The following VRK3 variants were observed in gnomAD, a reference collection of about 807,000 sequenced individuals.
VRK3 encodes the protein serine/threonine-protein kinase VRK3.
In VRK3, 50 loss-of-function variants were observed where a neutral mutation model predicts 60.4. That is an observed-to-expected ratio of 0.83 (90% CI 0.66 to 1.05). The LOEUF is 1.05. Ranked by LOEUF, VRK3 falls within the 50% of genes least tolerant of loss-of-function variation. The pLI, the probability that VRK3 is intolerant of heterozygous loss-of-function variation, is 0.00. For synonymous variants in VRK3, 246 were observed against 227.8 expected, an observed-to-expected ratio of 1.08 and a Z score of -0.72; for missense variants, 549 against 585.3, an observed-to-expected ratio of 0.94 and a Z score of 0.64.
At chr19:49,989,930 A>G (rs2076581762) in intron 10 of VRK3, among the ~76,000 whole-genome samples, 159 bp from the exon 11 acceptor site, 1 of 152,228 alleles carries the variant, frequency 6.6e-6, no homozygotes. Context: ...GTGAAGTAAA[A>G]AGAACCCAAA....
At chr19:49,995,019 C>G in intron 8 of VRK3, 100 bp from the exon 9 acceptor site, 2 of 1,310,510 alleles carry the variant, frequency 1.5e-6, no homozygotes, top group Non-Finnish European at 2.1e-6. Context: ...AGGTCCTGGT[C>G]CCAGGTGAGA....
intron 14 of VRK3, among the ~76,000 whole-genome samples, chr19:49,978,347 A>T (rs118106868): frequency 0.018 from 2,751 of 152,326 alleles, 43 homozygotes; most frequent in Middle Eastern, 0.051. Context: ...GCTCCTCTTC[A>T]GCACACATCT....
chr19:49,982,012 T>G, intron 12 of VRK3: 1 of 652,944 alleles, frequency 1.5e-6, no homozygotes. Flanking sequence ...AGGCTGTCTG[T>G]GGCTGACTCA....
At chr19:49,991,936 G>A (rs994411282) in intron 10 of VRK3, among the ~76,000 whole-genome samples, 1 of 152,218 alleles carries the variant, frequency 6.6e-6, no homozygotes. Flanking sequence ...ATTTGTAATT[G>A]TAAGAGCAAT....
intron 5 of VRK3, among the ~76,000 whole-genome samples, chr19:50,002,373 G>A (rs571144703): frequency 5.3e-5 from 8 of 152,174 alleles, no homozygotes; most frequent in East Asian, 1.9e-4. Context: ...TGCAGGACCC[G>A]CATCTCGGGG....
chr19:50,014,565 A>G (rs1014052686), intron 3 of VRK3, among the ~76,000 whole-genome samples: 4 of 149,564 alleles, frequency 2.7e-5, no homozygotes, highest in African/African-American at 9.7e-5. Flanking sequence ...CGAAAGAGCA[A>G]GACTCAGTCT....
chr19:49,978,475 C>T (rs1245646860), intron 14 of VRK3: 2 of 152,786 alleles, frequency 1.3e-5, no homozygotes, highest in Non-Finnish European at 2.9e-5. Flanking sequence ...CAAGTTGATA[C>T]CTCCATCCAC....
intron 12 of VRK3, chr19:49,988,161 C>T: frequency 3.5e-6 from 2 of 569,922 alleles, no homozygotes; most frequent in Non-Finnish European, 5.6e-6. Flanking sequence ...AGTGGTGGTG[C>T]CAGAGTCTGA....
At chr19:50,014,264 TA>T (rs146258686) in intron 3 of VRK3, among the ~76,000 whole-genome samples, 7,949 of 150,228 alleles carry the variant, frequency 0.053, 686 homozygotes, top group African/African-American at 0.18. Flanking sequence ...CGAGACTGTT[TA>T]AAAAAAAACA....
Position 50,001,943 on chromosome 19 carries a change from C to T in VRK3, c.548-1089G>A, listed in dbSNP as rs76416122. Among the ~76,000 whole-genome samples, 70 of 152,214 alleles carry T rather than the reference C, an allele frequency of 4.6e-4. 1 individual carries two copies. In the East Asian group the frequency reaches 0.012, roughly 27 times the overall value. On this transcript the variant is annotated intron_variant, in intron 5 of 14. Transcript: ENST00000316763. ...CAGCAAGAGTCTGCATCCCCCTTCA[C>T]GCACACTGCTCAGTGAACCCACTCA...
chr19:49,982,148 T>C, intron 12 of VRK3: 1 of 703,048 alleles, frequency 1.4e-6, no homozygotes, highest in South Asian at 1.5e-5. Context: ...GTTTCTGGCA[T>C]GACAAAGTCC....
intron 2 of VRK3, among the ~76,000 whole-genome samples, chr19:50,016,941 G>C (rs547183295): frequency 5.8e-5 from 8 of 137,950 alleles, no homozygotes; most frequent in African/African-American, 2.1e-4. Context: ...TGTAATCCCA[G>C]CGCTTTGGGA....
In VRK3 at chr19:50,007,621, C is replaced by T; in HGVS notation, c.495G>A (p.Gln165=). 2 of 1,614,232 alleles carry T rather than the reference C, an allele frequency of 1.2e-6. No individual in the cohort carries two copies. The highest frequency in any genetic ancestry group is 1.7e-5 in the Admixed American group (1 of 60,022). Residue 165 remains glutamine, a synonymous_variant, in exon 5 of 15, where the codon CAG becomes CAA. Coordinates refer to ENST00000316763, the MANE Select transcript of VRK3 (RefSeq NM_016440.4). ...GTVLTDKSGR[Q]WKLKSFQTRD... The stretch of plus-strand genomic sequence containing the variant: ...TGGTCTGGAAGGACTTCAGCTTCCA[C>T]TGTCGCCCACTCTTGTCTGTCAGCA...
At chr19:49,996,277 G>A (rs1470706437) in intron 7 of VRK3, among the ~76,000 whole-genome samples, 4 of 151,898 alleles carry the variant, frequency 2.6e-5, no homozygotes, top group East Asian at 3.9e-4. Context: ...GGCTGGTCTC[G>A]AACTCCTGAC....
chr19:49,992,179 G>A (rs560852062), intron 10 of VRK3, among the ~76,000 whole-genome samples: 9 of 152,270 alleles, frequency 5.9e-5, no homozygotes, highest in South Asian at 2.1e-4. Context: ...AGGCAAAGGC[G>A]GGCGGATCAC....
intron 1 of VRK3, among the ~76,000 whole-genome samples, chr19:50,021,120 T>C (rs1382985670): frequency 6.6e-6 from 1 of 152,218 alleles, no homozygotes; most frequent in African/African-American, 2.4e-5. Context: ...CAGACAACTT[T>C]CTATGCATTA....
chr19:49,994,930 C>G lies in VRK3; in HGVS notation c.765-11G>C, dbSNP rs1237401210. 2.5e-6 allele frequency: 4 copies of G among 1,612,496 alleles called. No homozygotes were observed. The African/African-American group carries it at 4.0e-5, about 16-fold the overall frequency. ...GGTAACACCAAGAACCTGGAAGACACAAGCACCCCAGGAGGTGGGAGATGA... is the reference window on the plus strand; with the variant it reads ...GGTAACACCAAGAACCTGGAAGACAGAAGCACCCCAGGAGGTGGGAGATGA... On this transcript the variant is annotated splice_polypyrimidine_tract_variant and intron_variant, in intron 8 of 14. Coordinates refer to ENST00000316763, the MANE Select transcript of VRK3 (RefSeq NM_016440.4).
intron 6 of VRK3, chr19:50,000,565 G>A: frequency 3.4e-6 from 2 of 582,392 alleles, no homozygotes; most frequent in East Asian, 5.9e-5. Flanking sequence ...CACACAGCAG[G>A]GAAGCATCAG....
chr19:50,011,432 T>C (rs1326461964), intron 3 of VRK3, among the ~76,000 whole-genome samples: 7 of 152,212 alleles, frequency 4.6e-5, no homozygotes, highest in Admixed American at 6.5e-5. Flanking sequence ...GCCAGCATGG[T>C]TGGTCCCTGG....
Sources: allele counts gnomAD v4.1 joint callset (sites outside exome capture counted in the v4.1 genomes callset), GRCh38; gene constraint gnomAD v4.1.1; transcripts MANE v1.5; gene names NCBI Gene and HGNC (gene_info 2026-07-23, HGNC 2026-07-21).